ADAMTS19: variants seen among roughly 807,000 people sequenced by gnomAD.
The protein encoded by ADAMTS19 is ADAM metallopeptidase with thrombospondin type 1 motif 19.
ADAMTS19 carries 93 observed loss-of-function variants against 153.3 expected under a neutral mutation model. The observed-to-expected ratio is 0.61, with a 90% CI of 0.51 to 0.72. The LOEUF (loss-of-function observed/expected upper bound fraction) is 0.72, where lower values mean the gene tolerates loss of function less well. Among genes scored for constraint, ADAMTS19 ranks in the 30% least tolerant of loss-of-function variants. The probability of loss-of-function intolerance (pLI) is 0.00; values close to 1 mark genes in which losing one functional copy is unlikely to be tolerated. For synonymous variants in ADAMTS19, 600 were observed against 556.6 expected (o/e 1.08, Z -1.10); for missense variants, 1,482 against 1,552.1 (o/e 0.95, Z 0.76).
In ADAMTS19 at chr5:129,671,953, A is replaced by G. The variant is rs969488270; in HGVS notation, c.2506+6374A>G. On this transcript the variant is annotated intron_variant, in intron 16 of 22. Transcript: ENST00000274487. ...AAATTCAAAAGAAAAAACACTTTTT[A>G]TAATGTACCTGTCATTTAGTCTCTT... Among the ~76,000 whole-genome samples the G allele has an allele frequency of 5.3e-5, 8 of 152,318 alleles. No homozygotes were observed. The East Asian group carries it at 1.4e-3, about 26-fold the overall frequency.
intron 7 of ADAMTS19, 64 bp downstream of exon 7, chr5:129,551,971 TA>T: frequency 9.7e-7 from 1 of 1,031,740 alleles, no homozygotes; most frequent in Non-Finnish European, 1.4e-6. Context: ...CTTGTTTAAG[TA>T]TAGGAAATTA....
Position 129,689,414 on chromosome 5 carries a change from T to C in ADAMTS19, c.2818+5141T>C, listed in dbSNP as rs183974738. Among the ~76,000 whole-genome samples, 294 of 152,286 alleles carry C rather than the reference T, an allele frequency of 1.9e-3. 1 individual carries two copies. Among genetic ancestry groups the C allele is most frequent in the African/African-American group, 6.9e-3 (287 of 41,560 alleles). On this transcript the variant is annotated intron_variant, in intron 18 of 22. Transcript: ENST00000274487. ...AAAGAACATCTATAAGGGTGTGATT[T>C]GTTCTGTTTTTACTTTTTTTTCTTT... is the stretch of plus-strand genomic sequence containing the variant.
At chr5:129,613,465 T>A (rs1277264961) in intron 8 of ADAMTS19, among the ~76,000 whole-genome samples, 6 of 151,988 alleles carry the variant, frequency 3.9e-5, no homozygotes, top group South Asian at 2.1e-4. Context: ...AAGGCAGAAA[T>A]AAAGATGTTC....
At chr5:129,584,596 G>C (rs1276119748) in intron 7 of ADAMTS19, among the ~76,000 whole-genome samples, 2 of 152,192 alleles carry the variant, frequency 1.3e-5, no homozygotes, top group Non-Finnish European at 2.9e-5. Flanking sequence ...GCCCTGCCTA[G>C]AGACGAGGAA....
chr5:129,560,126 T>G (rs1045489793), intron 7 of ADAMTS19, among the ~76,000 whole-genome samples: 3 of 152,224 alleles, frequency 2.0e-5, no homozygotes, highest in Non-Finnish European at 4.4e-5. Context: ...CTATTTGGTA[T>G]TTTTGTTTTT....
intron 2 of ADAMTS19, among the ~76,000 whole-genome samples, chr5:129,483,551 A>ATGTG (rs935974198): frequency 6.6e-6 from 1 of 152,048 alleles, no homozygotes; most frequent in Non-Finnish European, 1.5e-5. Context: ...TCTCCCTGGT[A>ATGTG]TGTGTGTGTG....
intron 8 of ADAMTS19, among the ~76,000 whole-genome samples, chr5:129,602,584 TAG>T (rs992058848): frequency 6.6e-6 from 1 of 152,162 alleles, no homozygotes; most frequent in African/African-American, 2.4e-5. Context: ...AATAAACTAA[TAG>T]AGATTCATTT....
At chr5:129,500,334 T>G (rs886401709) in intron 2 of ADAMTS19, 3 of 152,156 alleles carry the variant, frequency 2.0e-5, no homozygotes, top group African/African-American at 7.2e-5. Flanking sequence ...GAGGGGCAGG[T>G]TCTTAGGTGA....
At chr5:129,499,685 T>C (rs1467930285) in intron 2 of ADAMTS19, among the ~76,000 whole-genome samples, 1 of 152,096 alleles carries the variant, frequency 6.6e-6, no homozygotes, top group Non-Finnish European at 1.5e-5. Context: ...CACACCATGA[T>C]AAAATTTGTA....
chr5:129,476,907 G>A (rs956496623), intron 2 of ADAMTS19, among the ~76,000 whole-genome samples: 1 of 152,062 alleles, frequency 6.6e-6, no homozygotes, highest in Non-Finnish European at 1.5e-5. Context: ...AGCAAATGTG[G>A]AATCACTATC....
chr5:129,678,802 A>C (rs1055972874), intron 16 of ADAMTS19, among the ~76,000 whole-genome samples: 3 of 152,188 alleles, frequency 2.0e-5, no homozygotes, highest in Non-Finnish European at 2.9e-5. Flanking sequence ...TTTACAAGAT[A>C]AAAACTTGGA....
rs144365533 is a variant in ADAMTS19, at chr5:129,479,122, G to C, written c.747+17365G>C. 4.6e-3 allele frequency among the ~76,000 whole-genome samples: 697 copies of C among 152,118 alleles called. 7 individuals carry two copies. The highest frequency in any genetic ancestry group is 0.016 in the African/African-American group (650 of 41,492). ...AGAGGGGAAGCTGATGAGGCCTAGA[G>C]GTGAAATTTAAAGCCGTATGTGTGT... On this transcript the variant is annotated intron_variant, in intron 2 of 22. Transcript: ENST00000274487.
chr5:129,705,066 T>G (rs1330708990), intron 21 of ADAMTS19, among the ~76,000 whole-genome samples: 13 of 152,312 alleles, frequency 8.5e-5, no homozygotes, highest in Non-Finnish European at 1.5e-5. Context: ...CTGATCATTT[T>G]GGGGTGAAAA....
At chr5:129,702,941 A>AAAAATATATATATATATATAT in intron 20 of ADAMTS19, among the ~76,000 whole-genome samples, 34 of 29,204 alleles carry the variant, frequency 1.2e-3, no homozygotes, top group East Asian at 2.7e-3. Context: ...AAAAAAAAAA[A>AAAAATATATATATATATATAT]ATATATATAT....
chr5:129,595,576 T>C (rs999453362), intron 7 of ADAMTS19, among the ~76,000 whole-genome samples: 1 of 152,098 alleles, frequency 6.6e-6, no homozygotes, highest in African/African-American at 2.4e-5. Context: ...AAACAAAATA[T>C]CCAGCAGATG....
rs180757504 is a variant in ADAMTS19, at chr5:129,701,656, T to C, written c.3159+64T>C. 609 of 1,539,212 alleles carry C rather than the reference T, an allele frequency of 4.0e-4. 4 individuals carry two copies. In the East Asian group the frequency reaches 0.01, roughly 25 times the overall value. ...GACTCCTAGCTTGTACAAGATCAGG[T>C]TGGATCATGTTCAGAATCTGCATTG... On this transcript the variant is annotated intron_variant, in intron 20 of 22. Coordinates refer to ENST00000274487, the MANE Select transcript of ADAMTS19 (RefSeq NM_133638.6).
At chr5:129,559,600 A>G (rs932092699) in intron 7 of ADAMTS19, among the ~76,000 whole-genome samples, 5 of 152,196 alleles carry the variant, frequency 3.3e-5, no homozygotes, top group Non-Finnish European at 7.4e-5. Flanking sequence ...GGCGGTATTT[A>G]GTAAAACTGG....
chr5:129,559,155 T>A (rs142450935), intron 7 of ADAMTS19, among the ~76,000 whole-genome samples: 13 of 152,202 alleles, frequency 8.5e-5, no homozygotes, highest in Admixed American at 8.5e-4. Flanking sequence ...CAATGACTAA[T>A]TTTAATTCTC....
chr5:129,708,248 T>A (rs1400893592), intron 21 of ADAMTS19, among the ~76,000 whole-genome samples: 1 of 152,158 alleles, frequency 6.6e-6, no homozygotes, highest in Non-Finnish European at 1.5e-5. Context: ...TCATCAGGAT[T>A]ACAATGATGG....
Sources: gnomAD v4.1 joint callset for allele counts (sites outside exome capture counted in the v4.1 genomes callset) on GRCh38, gnomAD v4.1.1 for gene constraint, MANE v1.5 for transcripts, NCBI Gene and HGNC (gene_info 2026-07-23, HGNC 2026-07-21) for gene names.